The following NLGN1 variants were observed in gnomAD, a reference collection of about 807,000 sequenced individuals.
NLGN1 encodes the protein neuroligin 1, also known as neuroligin-1.
Under a neutral mutation model 65.5 loss-of-function variants are expected in NLGN1, and 12 were observed. That is an observed-to-expected ratio of 0.18 (90% confidence interval 0.12 to 0.30). The LOEUF (loss-of-function observed/expected upper bound fraction) is 0.30. Ranked by LOEUF, NLGN1 falls within the 10% of genes least tolerant of loss-of-function variation. The pLI is 1.00. For synonymous variants in NLGN1, 350 were observed against 359.5 expected (o/e 0.97, Z 0.30); for missense variants, 750 against 1,007.1 (o/e 0.74, Z 3.46).
chr3:173,882,254 T>C (rs1481554176), intron 4 of NLGN1, among the ~76,000 whole-genome samples: 1 of 152,202 alleles, frequency 6.6e-6, no homozygotes, highest in Non-Finnish European at 1.5e-5. Flanking sequence ...AGAGTAGATT[T>C]TTCATGATTC....
intron 4 of NLGN1, among the ~76,000 whole-genome samples, chr3:174,274,164 A>ACTC (rs1242076716): frequency 6.6e-5 from 10 of 151,028 alleles, no homozygotes; most frequent in African/African-American, 2.2e-4. Context: ...ATCTAATAGG[A>ACTC]CTCTAAATAT....
intron 4 of NLGN1, among the ~76,000 whole-genome samples, chr3:173,934,957 T>G (rs1744784373): frequency 6.6e-6 from 1 of 152,020 alleles, no homozygotes; most frequent in Non-Finnish European, 1.5e-5. Flanking sequence ...TATTGCAACC[T>G]TGTGAGGTAG....
At chr3:173,743,983 T>G (rs953008798) in intron 3 of NLGN1, among the ~76,000 whole-genome samples, 5 of 152,086 alleles carry the variant, frequency 3.3e-5, no homozygotes, top group Admixed American at 6.6e-5. Flanking sequence ...ACTTTATAAA[T>G]TCAGACAAAT....
At chr3:174,090,168 A>G (rs1744229310) in intron 4 of NLGN1, among the ~76,000 whole-genome samples, 1 of 152,098 alleles carries the variant, frequency 6.6e-6, no homozygotes, top group Non-Finnish European at 1.5e-5. Flanking sequence ...AAATAGAAAA[A>G]AGAAAGAAAA....
chr3:173,431,024 A>C (rs1244804347), intron 1 of NLGN1, among the ~76,000 whole-genome samples: 1 of 152,134 alleles, frequency 6.6e-6, no homozygotes, highest in African/African-American at 2.4e-5. Context: ...GCTAACTTTT[A>C]ATTAATTAAT....
chr3:173,824,631 T>C (rs1459348308), intron 4 of NLGN1, among the ~76,000 whole-genome samples: 1 of 151,980 alleles, frequency 6.6e-6, no homozygotes, highest in East Asian at 1.9e-4. Flanking sequence ...CAGGAAAGGG[T>C]ATGTATATTT....
chr3:174,041,828 C>T (rs987717446), intron 4 of NLGN1, among the ~76,000 whole-genome samples: 14 of 152,174 alleles, frequency 9.2e-5, no homozygotes, highest in Admixed American at 2.0e-4. Flanking sequence ...CCTAGATGGG[C>T]GGATCACTTG....
chr3:174,254,306 A>ATTTTTTTTTTT (rs371427726), intron 4 of NLGN1, among the ~76,000 whole-genome samples: 24 of 113,744 alleles, frequency 2.1e-4, no homozygotes, highest in Non-Finnish European at 2.6e-4. Flanking sequence ...GTCCTTTTTA[A>ATTTTTTTTTTT]TTTTTTTTTT....
At chr3:173,742,641 T>G (rs924187364) in intron 3 of NLGN1, among the ~76,000 whole-genome samples, 1 of 152,146 alleles carries the variant, frequency 6.6e-6, no homozygotes. Flanking sequence ...TTTGGTCATT[T>G]AAGAAAACAA....
chr3:174,041,043 T>G (rs545918213), intron 4 of NLGN1, among the ~76,000 whole-genome samples: 23 of 152,242 alleles, frequency 1.5e-4, no homozygotes, highest in African/African-American at 5.5e-4. Flanking sequence ...AATCTTAAGT[T>G]TATTCACTGA....
intron 4 of NLGN1, among the ~76,000 whole-genome samples, chr3:174,079,057 C>T (rs1055834924): frequency 2.6e-5 from 4 of 151,842 alleles, no homozygotes; most frequent in East Asian, 1.9e-4. Flanking sequence ...CAGATTGCAA[C>T]GTTAGTGCAT....
chr3:173,827,955 T>A (rs1721705243), intron 4 of NLGN1, among the ~76,000 whole-genome samples: 1 of 151,986 alleles, frequency 6.6e-6, no homozygotes, highest in African/African-American at 2.4e-5. Flanking sequence ...GTATACTGAT[T>A]TCAATGCTCA....
intron 3 of NLGN1, among the ~76,000 whole-genome samples, chr3:173,673,806 C>T (rs373913415): frequency 2.6e-5 from 4 of 151,932 alleles, no homozygotes; most frequent in Admixed American, 2.6e-4. Flanking sequence ...TTGGACAAAA[C>T]GCACAAACAA....
intron 3 of NLGN1, among the ~76,000 whole-genome samples, chr3:173,797,044 G>A (rs1476206542): frequency 6.6e-6 from 1 of 152,094 alleles, no homozygotes; most frequent in East Asian, 1.9e-4. Context: ...GCAAAGAAGG[G>A]AGCTCTAGGC....
intron 2 of NLGN1, among the ~76,000 whole-genome samples, chr3:173,575,042 G>C (rs951191902): frequency 3.3e-5 from 5 of 152,016 alleles, no homozygotes; most frequent in African/African-American, 9.7e-5. Flanking sequence ...ATGCCACCAT[G>C]CCGGGCTATT....
At chr3:173,664,361 A>T (rs527283861) in intron 3 of NLGN1, among the ~76,000 whole-genome samples, 1 of 152,072 alleles carries the variant, frequency 6.6e-6, no homozygotes, top group East Asian at 1.9e-4. Flanking sequence ...TTTTACTGAG[A>T]TGATTCTTCC....
intron 2 of NLGN1, among the ~76,000 whole-genome samples, chr3:173,463,648 G>A (rs1339349993): frequency 6.6e-6 from 1 of 152,128 alleles, no homozygotes; most frequent in Non-Finnish European, 1.5e-5. Flanking sequence ...TGTGATAAGA[G>A]GATCCCTCGG....
At chr3:173,875,960 A>G (rs1036165865) in intron 4 of NLGN1, among the ~76,000 whole-genome samples, 2 of 152,186 alleles carry the variant, frequency 1.3e-5, no homozygotes, top group Non-Finnish European at 2.9e-5. Context: ...GGGGTAGATA[A>G]GAGTTTTAAA....
rs928799561 is a variant in NLGN1 at position 174,280,637 on chromosome 3, G to T, written c.1806G>T (p.Lys602Asn). 1 of 1,613,244 alleles carries T rather than the reference G, an allele frequency of 6.2e-7. No individual in the cohort carries two copies. Among genetic ancestry groups the T allele is most frequent in the Non-Finnish European group, 8.5e-7 (1 of 1,179,506 alleles). The change falls in exon 7 of 7, where the codon AAG becomes AAT. Residue 602 changes from lysine to asparagine, a missense_variant. Coordinates refer to ENST00000457714, the Ensembl canonical transcript of NLGN1. The surrounding 1 kb of genome is among the most constrained non-coding windows in gnomAD (Gnocchi z 4.9). ...TTAAAGAACATTACAGAGCCAATAA[G>T]GTGAACCTCTGGTTGGAGTTGGTAC...
Sources: allele counts gnomAD v4.1 joint callset (sites outside exome capture counted in the v4.1 genomes callset), GRCh38; gene constraint gnomAD v4.1.1; non-coding constraint Gnocchi (gnomAD v3.1); transcripts MANE v1.5; gene names NCBI Gene and HGNC (gene_info 2026-07-23, HGNC 2026-07-21).